The following TBX18 variants were observed in gnomAD, a reference collection of about 807,000 sequenced individuals.
The protein encoded by TBX18 is T-box transcription factor 18, also known as T-box transcription factor TBX18.
In TBX18, 21 loss-of-function variants were observed where a neutral mutation model predicts 55.0. That is an observed-to-expected ratio of 0.38 (90% CI 0.27 to 0.55). The LOEUF is 0.55. Ranked by LOEUF, TBX18 falls within the 20% of genes least tolerant of loss-of-function variation. The pLI, the probability that TBX18 is intolerant of heterozygous loss-of-function variation, is 0.73. For synonymous variants in TBX18, 342 were observed against 326.1 expected (o/e 1.05, Z -0.53); for missense variants, 840 against 799.6 (o/e 1.05, Z -0.61).
Position 84,756,769 on chromosome 6 carries a change from T to C in TBX18, c.700A>G (p.Thr234Ala), listed in dbSNP as rs1222355327. 1.2e-6 allele frequency: 2 copies of C among 1,614,040 alleles called. No homozygotes were observed. Among genetic ancestry groups the C allele is most frequent in the Admixed American group, 3.3e-5 (2 of 60,004 alleles). Reference protein sequence around the residue: ...IHPDSPASGETWMRQVISFDK... With the variant: ...IHPDSPASGEAWMRQVISFDK... ...AAGCTGATAACTTGTCTCATCCAAG[T>C]CTCCCCCGAGGCAGGCGAGTCTGGA... Residue 234 changes from threonine to alanine, a missense_variant, in exon 4 of 8, where the codon ACT (threonine) becomes GCT (alanine). Coordinates refer to ENST00000369663, the MANE Select transcript of TBX18 (RefSeq NM_001080508.3).
At chr6:84,760,773 T>G (rs1562267342) in intron 2 of TBX18, among the ~76,000 whole-genome samples, 1 of 152,170 alleles carries the variant, frequency 6.6e-6, no homozygotes, top group Non-Finnish European at 1.5e-5. Flanking sequence ...AATGTGAAAT[T>G]TTTAAAGGGT....
chr6:84,756,244 C>T (rs1380175974), intron 4 of TBX18, among the ~76,000 whole-genome samples: 2 of 152,186 alleles, frequency 1.3e-5, no homozygotes, highest in Non-Finnish European at 2.9e-5. Context: ...CATTACAAAA[C>T]AACTGGGAAC....
At chr6:84,762,816 G>A in intron 1 of TBX18, 68 bp from the exon 2 acceptor site, 1 of 1,460,694 alleles carries the variant, frequency 6.8e-7, no homozygotes, top group Non-Finnish European at 9.4e-7. Flanking sequence ...CGCGGAGACG[G>A]GCCCACCTGG....
At chr6:84,749,672 T>C (rs933828278) in intron 4 of TBX18, among the ~76,000 whole-genome samples, 5 of 151,886 alleles carry the variant, frequency 3.3e-5, no homozygotes, top group African/African-American at 1.2e-4. Context: ...GAAAATTCTC[T>C]TTCCAGAATT....
At position 84,734,678 on chromosome 6, in the gene TBX18, T is replaced by C. The variant is rs962494747; in HGVS notation, c.*2007A>G. On this transcript the variant is annotated 3_prime_UTR_variant, in exon 8 of 8. Transcript: ENST00000369663. ...CATATTGTGGTATCATCTGAAATGA[T>C]CAACGGCAAGAAGGAAAATGCTCTT... 5 of 152,598 alleles carry C rather than the reference T, an allele frequency of 3.3e-5. No homozygotes were observed. Among genetic ancestry groups the C allele is most frequent in the Admixed American group, 3.3e-4 (5 of 15,276 alleles). The allele number at this position is 152,598 out of a possible 1,614,324, so 9.5% of individuals were successfully genotyped here.
intron 6 of TBX18, chr6:84,741,366 T>C (rs1280407162): frequency 9.9e-5 from 15 of 152,214 alleles, no homozygotes. Context: ...TTTCCTGAAG[T>C]ATTTAAAGAG....
intron 6 of TBX18, chr6:84,741,327 C>T (rs1767043053): frequency 6.6e-6 from 1 of 152,142 alleles, no homozygotes; most frequent in Non-Finnish European, 1.5e-5. Context: ...TATCAAATGG[C>T]CAAGTTTATT....
Position 84,762,735 on chromosome 6 carries a change from G to A in TBX18, c.306C>T (p.Asp102=). The A allele has an allele frequency of 1.2e-6, 2 of 1,604,602 alleles. No homozygotes were observed. The highest frequency in any genetic ancestry group is 1.7e-6 in the Non-Finnish European group (2 of 1,176,038). The change falls in exon 2 of 8, where the codon GAC becomes GAT. Residue 102 remains aspartate (D), a synonymous_variant. Coordinates refer to ENST00000369663, the MANE Select transcript of TBX18 (RefSeq NM_001080508.3). ...GAGGGGAAGCTCCCTGCTGGAAGCCGTCCTCACAGCCGCCTGGACAGCAAA... is the reference window on the plus strand; with the variant it reads ...GAGGGGAAGCTCCCTGCTGGAAGCCATCCTCACAGCCGCCTGGACAGCAAA... The part of the protein sequence containing the change: ...LERGAAGGCE[D]GFQQGASPLA...
At chr6:84,760,134 G>T in intron 3 of TBX18, 121 bp downstream of exon 3, 1 of 542,872 alleles carries the variant, frequency 1.8e-6, no homozygotes, top group Non-Finnish European at 2.9e-6. Flanking sequence ...GTTAAAGTAT[G>T]GATCTGGAAA....
Position 84,756,743 on chromosome 6 carries a change from G to A in TBX18, c.726C>T (p.Phe242=), listed in dbSNP as rs148004775. 90 of 1,614,098 alleles carry A rather than the reference G, an allele frequency of 5.6e-5. No individual in the cohort carries two copies. The highest frequency in any genetic ancestry group is 5.0e-4 in the Middle Eastern group (3 of 6,032). ...GETWMRQVIS[F]DKLKLTNNEL... is the part of the protein sequence containing the mutation. ...CATTGTTGGTGAGCTTCAGCTTGTC[G>A]AAGCTGATAACTTGTCTCATCCAAG... Residue 242 remains phenylalanine, a synonymous_variant, in exon 4 of 8, where the codon TTC becomes TTT. Coordinates refer to ENST00000369663, the MANE Select transcript of TBX18 (RefSeq NM_001080508.3).
chr6:84,747,112 A>C (rs1582072551), intron 5 of TBX18, among the ~76,000 whole-genome samples: 1 of 152,030 alleles, frequency 6.6e-6, no homozygotes, highest in East Asian at 1.9e-4. Flanking sequence ...AAAAGCCTTA[A>C]ATTTGTAATT....
intron 7 of TBX18, 101 bp downstream of exon 7, chr6:84,738,396 G>T: frequency 1.1e-6 from 1 of 917,650 alleles, no homozygotes. Flanking sequence ...TGGTGATGAG[G>T]TCATTATTGT....
intron 4 of TBX18, among the ~76,000 whole-genome samples, chr6:84,753,784 A>C (rs555203469): frequency 1.3e-5 from 2 of 152,310 alleles, no homozygotes; most frequent in East Asian, 1.9e-4. Context: ...TTCTTCATAA[A>C]GCCTTTCCCA....
At chr6:84,761,543 A>G (rs1213322522) in intron 2 of TBX18, among the ~76,000 whole-genome samples, 1 of 152,192 alleles carries the variant, frequency 6.6e-6, no homozygotes, top group African/African-American at 2.4e-5. Context: ...ATTCAATAAA[A>G]TATGTTTTTT....
rs577017098 is a variant in TBX18, at chr6:84,754,354, G to A, written c.771+2344C>T. The stretch of plus-strand genomic sequence containing the variant: ...ATCCTCCTCTAGTATCAAGTAATAC[G>A]TACGTACATTTTTACCATTACCAAA... On this transcript the variant is annotated intron_variant, in intron 4 of 7. Coordinates refer to ENST00000369663, the MANE Select transcript of TBX18 (RefSeq NM_001080508.3). Among the ~76,000 whole-genome samples, 3 of 152,220 alleles carry A rather than the reference G, an allele frequency of 2.0e-5. No homozygotes were observed. In the East Asian group the frequency reaches 5.8e-4, roughly 29 times the overall value.
rs114255455 is a variant in TBX18 at position 84,762,549 on chromosome 6, G to T, written c.492C>A (p.Ala164=). 2.0e-5 allele frequency: 33 copies of T among 1,614,040 alleles called. No homozygotes were observed. In the East Asian group the frequency reaches 5.1e-4, roughly 25 times the overall value. Residue 164 remains alanine, a synonymous_variant, in exon 2 of 8, where the codon GCC becomes GCA. Coordinates refer to ENST00000369663, the MANE Select transcript of TBX18 (RefSeq NM_001080508.3). The stretch of plus-strand genomic sequence containing the variant: ...CACGCCAGCTTGCCCATTACCTGCC[G>T]GCCTTGGTGATGATCATCTCAGTGC... ...EIGTEMIITK[A]GRRMFPAMRV...
At chr6:84,751,843 G>A (rs1191702040) in intron 4 of TBX18, among the ~76,000 whole-genome samples, 1 of 152,172 alleles carries the variant, frequency 6.6e-6, no homozygotes, top group East Asian at 1.9e-4. Context: ...GCTCTGAGGT[G>A]GGCAGGGGCA....
intron 2 of TBX18, among the ~76,000 whole-genome samples, chr6:84,762,280 C>T (rs920854017): frequency 2.6e-5 from 4 of 152,322 alleles, no homozygotes; most frequent in East Asian, 1.9e-4. Flanking sequence ...ACATCAACCG[C>T]GACAGCTGTG....
rs1480069322 is a variant in TBX18, at chr6:84,736,483, A to G, written c.*202T>C. 1 of 440,494 alleles carries G rather than the reference A, an allele frequency of 2.3e-6. No homozygotes were observed. The highest frequency in any genetic ancestry group is 4.4e-5 in the Admixed American group (1 of 22,644). The allele number at this position is 440,494 out of a possible 1,614,324, so 27.3% of individuals were successfully genotyped here. A position where few individuals can be genotyped will look rare whatever the true frequency, so the allele number is the denominator to read the frequency against. ...GGAACAATAGGGGCCGTGATACTCC[A>G]TGTGCTATGTATATACAGCATACAT... On this transcript the variant is annotated 3_prime_UTR_variant, in exon 8 of 8. Coordinates refer to ENST00000369663, the MANE Select transcript of TBX18 (RefSeq NM_001080508.3).
Sources: gnomAD v4.1 joint callset for allele counts (sites outside exome capture counted in the v4.1 genomes callset) on GRCh38, gnomAD v4.1.1 for gene constraint, MANE v1.5 for transcripts, NCBI Gene and HGNC (gene_info 2026-07-23, HGNC 2026-07-21) for gene names.